NFIC: variants seen among roughly 807,000 people sequenced by gnomAD.
NFIC encodes the protein nuclear factor I C, also known as nuclear factor 1 C-type.
A neutral mutation model predicts 54.4 loss-of-function variants in NFIC; 12 were observed. The observed-to-expected ratio is 0.22, with a 90% CI of 0.14 to 0.36. NFIC has a LOEUF of 0.36. NFIC is among the 10% of genes least tolerant of loss of function. The probability of loss-of-function intolerance (pLI) is 1.00; values close to 1 mark genes in which losing one functional copy is unlikely to be tolerated. For synonymous variants in NFIC, 322 were observed against 319.2 expected, an observed-to-expected ratio of 1.01 and a Z score of -0.09; for missense variants, 575 against 718.2, an observed-to-expected ratio of 0.80 and a Z score of 2.28.
At chr19:3,425,918 CTTTTTTTTTTTTTTTT>C (rs869165549) in intron 3 of NFIC, among the ~76,000 whole-genome samples, 17 of 54,532 alleles carry the variant, frequency 3.1e-4, no homozygotes, top group South Asian at 9.8e-4. Flanking sequence ...CCATGCCTGG[CTTTTTTTTTTTTTTTT>C]TTTTTTTTTT....
intron 2 of NFIC, among the ~76,000 whole-genome samples, chr19:3,384,956 T>G (rs1460415165): frequency 6.7e-6 from 1 of 149,332 alleles, no homozygotes; most frequent in Non-Finnish European, 1.5e-5. Flanking sequence ...CGTGCTGAGC[T>G]GATACAATTT....
At chr19:3,446,968 G>A (rs1431062051) in intron 6 of NFIC, among the ~76,000 whole-genome samples, 2 of 152,098 alleles carry the variant, frequency 1.3e-5, no homozygotes, top group Non-Finnish European at 2.9e-5. Context: ...TGAGGCTGCA[G>A]TGAGCCATGA....
chr19:3,380,628 CTTTTTT>C (rs1159916071), intron 1 of NFIC, among the ~76,000 whole-genome samples: 2 of 96,104 alleles, frequency 2.1e-5, no homozygotes, highest in East Asian at 3.1e-4. Flanking sequence ...TGCGCCCAGG[CTTTTTT>C]TTTTTTTTTT....
At chr19:3,448,978 C>T (rs775832087) in intron 6 of NFIC, 36 bp from the exon 7 acceptor site, 1 of 1,593,256 alleles carries the variant, frequency 6.3e-7, no homozygotes, top group South Asian at 1.1e-5. Context: ...TGGGGTGTGA[C>T]CAGCCTGTGA....
At chr19:3,423,341 T>G (rs11669705) in intron 2 of NFIC, among the ~76,000 whole-genome samples, 76,466 of 152,092 alleles carry the variant, frequency 0.5, 20,573 homozygotes, top group Non-Finnish European at 0.61. Context: ...GGGCAGTGTT[T>G]GTGCCCACGT....
intron 3 of NFIC, among the ~76,000 whole-genome samples, chr19:3,426,221 C>G (rs2082025506): frequency 6.6e-6 from 1 of 151,972 alleles, no homozygotes; most frequent in Non-Finnish European, 1.5e-5. Flanking sequence ...GCATGAGCCA[C>G]CGCGCCTGGC....
At chr19:3,454,241 G>T (rs909704053) in intron 9 of NFIC, 3 of 1,175,072 alleles carry the variant, frequency 2.6e-6, no homozygotes, top group Non-Finnish European at 3.2e-6. Context: ...AGTGGACACG[G>T]ATCTCACAGT....
At chr19:3,385,852 G>A (rs1319554782) in intron 2 of NFIC, among the ~76,000 whole-genome samples, 2 of 151,912 alleles carry the variant, frequency 1.3e-5, no homozygotes, top group Admixed American at 6.6e-5. Context: ...GATTACAGGC[G>A]TGAGCCACTG....
rs1242475679 is a variant in NFIC, at chr19:3,425,167, C to T, written c.624C>T (p.Pro208=). The T allele has an allele frequency of 6.2e-7, 1 of 1,611,512 alleles. No homozygotes were observed. The change falls in exon 3 of 11, where the codon CCC becomes CCT. Residue 208 remains proline, a synonymous_variant. Transcript: ENST00000443272. ...GCTCTGACCAGGAGGACAGCAAGCCCATCACGCTGGGTGAGTCTGGGGGCA... is the reference window on the plus strand; with the variant it reads ...GCTCTGACCAGGAGGACAGCAAGCCTATCACGCTGGGTGAGTCTGGGGGCA... The part of the protein sequence containing the change: ...GMGSDQEDSK[P]ITLDTTDFQE...
upstream of NFIC, among the ~76,000 whole-genome samples, chr19:3,366,202 T>A (rs1343049025): frequency 6.6e-6 from 1 of 151,240 alleles, no homozygotes. Flanking sequence ...AGTCCTGGGG[T>A]CCTGGTCTAG....
chr19:3,461,731 A>G (rs2082641492), intron 10 of NFIC, among the ~76,000 whole-genome samples: 1 of 151,368 alleles, frequency 6.6e-6, no homozygotes, highest in Non-Finnish European at 1.5e-5. Context: ...TCATAAATAA[A>G]TAATAAATAG....
chr19:3,460,400 T>C (rs2082621897), intron 10 of NFIC, among the ~76,000 whole-genome samples: 1 of 152,160 alleles, frequency 6.6e-6, no homozygotes, highest in Non-Finnish European at 1.5e-5. Context: ...GTTCCTTGAC[T>C]TCTCTGGGCC....
chr19:3,410,202 G>A (rs1349490908), intron 2 of NFIC, among the ~76,000 whole-genome samples: 2 of 151,966 alleles, frequency 1.3e-5, no homozygotes, highest in East Asian at 1.9e-4. Flanking sequence ...CACCACGCCC[G>A]GCTTTTTTTT....
chr19:3,417,040 G>A (rs531886616), intron 2 of NFIC, among the ~76,000 whole-genome samples: 33 of 131,906 alleles, frequency 2.5e-4, no homozygotes, highest in African/African-American at 7.9e-4. Context: ...CCCGCCACCA[G>A]GCCCAGCTAA....
At chr19:3,447,799 C>G (rs986214164) in intron 6 of NFIC, among the ~76,000 whole-genome samples, 3 of 152,252 alleles carry the variant, frequency 2.0e-5, no homozygotes, top group Non-Finnish European at 4.4e-5. Flanking sequence ...CTGCTTCCCC[C>G]ACACCCAGGG....
At chr19:3,389,474 C>A (rs2081346591) in intron 2 of NFIC, among the ~76,000 whole-genome samples, 1 of 152,142 alleles carries the variant, frequency 6.6e-6, no homozygotes, top group African/African-American at 2.4e-5. Context: ...GGGTGCTGCA[C>A]TGGGGAGACA....
intron 2 of NFIC, among the ~76,000 whole-genome samples, chr19:3,393,053 G>A (rs889016994): frequency 5.9e-5 from 9 of 152,206 alleles, no homozygotes; most frequent in Non-Finnish European, 1.0e-4. Flanking sequence ...CAATTCTCCC[G>A]CCTCAGCCTC....
At chr19:3,406,414 A>C (rs1196711693) in intron 2 of NFIC, among the ~76,000 whole-genome samples, 2 of 124,444 alleles carry the variant, frequency 1.6e-5, no homozygotes, top group Non-Finnish European at 3.5e-5. Context: ...TTTTTGTAGA[A>C]ATAGGGTCTC....
At position 3,392,156 on chromosome 19, in the gene NFIC, C is replaced by T. The variant is rs1309369965; in HGVS notation, c.562+9913C>T. On this transcript the variant is annotated intron_variant, in intron 2 of 10. Coordinates refer to ENST00000443272, the MANE Select transcript of NFIC (RefSeq NM_001245002.2). ...GTGTGATCGTGGCTCACTGCAACCT[C>T]CACCTCCCGGGTTCAAGTGATTCTC... Among the ~76,000 whole-genome samples, 3 of 149,216 alleles carry T rather than the reference C, an allele frequency of 2.0e-5. No individual in the cohort carries two copies. The South Asian group carries it at 6.4e-4, about 32-fold the overall frequency.
Sources: gnomAD v4.1 joint callset for allele counts (sites outside exome capture counted in the v4.1 genomes callset) on GRCh38, gnomAD v4.1.1 for gene constraint, MANE v1.5 for transcripts, NCBI Gene and HGNC (gene_info 2026-07-23, HGNC 2026-07-21) for gene names.